Variants in FNDC3A observed in about 807,000 individuals in gnomAD.
FNDC3A encodes the protein fibronectin type-III domain-containing protein 3A.
Under a neutral mutation model 148.9 loss-of-function variants are expected in FNDC3A, and 32 were observed. The observed-to-expected ratio is 0.21, with a 90% CI of 0.16 to 0.29. FNDC3A has a LOEUF of 0.29. Among genes scored for constraint, FNDC3A ranks in the 10% least tolerant of loss-of-function variants. The pLI is 1.00. For synonymous variants in FNDC3A, 472 were observed against 473.6 expected (o/e 1.00, Z 0.04); for missense variants, 1,191 against 1,452.8 (o/e 0.82, Z 2.93).
intron 2 of FNDC3A, among the ~76,000 whole-genome samples, chr13:49,015,719 G>A (rs1256733999): frequency 1.3e-5 from 2 of 151,944 alleles, no homozygotes; most frequent in Non-Finnish European, 2.9e-5. Flanking sequence ...TGCCCATTCA[G>A]TATGATATTG....
chr13:49,113,935 A>T (rs1447657422), intron 3 of FNDC3A, among the ~76,000 whole-genome samples: 1 of 152,228 alleles, frequency 6.6e-6, no homozygotes. Context: ...ATAAAAGTTA[A>T]TTGGAAAACC....
rs527237406 is a variant in FNDC3A at position 49,037,197 on chromosome 13, A to G, written c.99+30908A>G. Among the ~76,000 whole-genome samples the G allele has an allele frequency of 1.5e-4, 23 of 152,358 alleles. No homozygotes were observed. The East Asian group carries it at 3.9e-3, about 26-fold the overall frequency. On this transcript the variant is annotated intron_variant, in intron 2 of 25. Transcript: ENST00000492622. The stretch of plus-strand genomic sequence containing the variant: ...TACTACTAAGAGCTACTCATACAGC[A>G]CTTACAGTAACAGCGAATATGTGCA...
chr13:49,016,297 T>C (rs1037716504), intron 2 of FNDC3A, among the ~76,000 whole-genome samples: 1 of 152,258 alleles, frequency 6.6e-6, no homozygotes, highest in African/African-American at 2.4e-5. Context: ...TATTGGTCTA[T>C]TCAGAGATTC....
chr13:49,181,046 A>T (rs1159453222), intron 14 of FNDC3A, among the ~76,000 whole-genome samples: 1 of 152,142 alleles, frequency 6.6e-6, no homozygotes, highest in Non-Finnish European at 1.5e-5. Context: ...GTGTCACTGC[A>T]CTCCAGCCTA....
chr13:49,179,332 T>C (rs1340598228), intron 14 of FNDC3A, among the ~76,000 whole-genome samples: 1 of 152,234 alleles, frequency 6.6e-6, no homozygotes, highest in African/African-American at 2.4e-5. Flanking sequence ...ATTTGTCTTA[T>C]TACTGGTAGT....
chr13:49,147,438 G>A (rs1883055668), intron 8 of FNDC3A, among the ~76,000 whole-genome samples: 1 of 151,934 alleles, frequency 6.6e-6, no homozygotes, highest in African/African-American at 2.4e-5. Flanking sequence ...AGAGTAGCTG[G>A]GAGGTAAGGG....
chr13:49,022,692 A>T (rs555888463), intron 2 of FNDC3A, among the ~76,000 whole-genome samples: 4 of 152,152 alleles, frequency 2.6e-5, no homozygotes, highest in Admixed American at 2.6e-4. Flanking sequence ...TCTAACTGCT[A>T]TGCAGCTTTG....
At chr13:49,064,031 G>A (rs1484030296) in intron 2 of FNDC3A, among the ~76,000 whole-genome samples, 3 of 152,120 alleles carry the variant, frequency 2.0e-5, no homozygotes, top group African/African-American at 7.2e-5. Flanking sequence ...TTGAAAAACA[G>A]GTAAAGGACA....
At chr13:49,027,615 A>G (rs1873813874) in intron 2 of FNDC3A, among the ~76,000 whole-genome samples, 2 of 152,164 alleles carry the variant, frequency 1.3e-5, no homozygotes. Flanking sequence ...TTTTACATAC[A>G]ATTGGAATTA....
chr13:49,138,259 G>A (rs942316399), intron 6 of FNDC3A, among the ~76,000 whole-genome samples: 1 of 152,100 alleles, frequency 6.6e-6, no homozygotes, highest in African/African-American at 2.4e-5. Flanking sequence ...TTTCAGCACT[G>A]ATGTTTCAGA....
intron 4 of FNDC3A, among the ~76,000 whole-genome samples, chr13:49,114,942 G>A (rs1421221048): frequency 6.6e-6 from 1 of 151,864 alleles, no homozygotes; most frequent in Non-Finnish European, 1.5e-5. Flanking sequence ...CTTGTCTTTG[G>A]GTGTTAAGTC....
chr13:49,101,611 A>G (rs1879857416), intron 3 of FNDC3A, among the ~76,000 whole-genome samples: 1 of 152,074 alleles, frequency 6.6e-6, no homozygotes, highest in African/African-American at 2.4e-5. Flanking sequence ...AAAAATCAAA[A>G]TCAACTCTTC....
chr13:49,115,444 C>T (rs531377652), intron 4 of FNDC3A, among the ~76,000 whole-genome samples: 4 of 152,260 alleles, frequency 2.6e-5, no homozygotes, highest in Admixed American at 6.5e-5. Flanking sequence ...TTTCTTCAGG[C>T]CCTCTGTTAC....
intron 11 of FNDC3A, 34 bp downstream of exon 11, chr13:49,172,130 T>A: frequency 1.5e-6 from 2 of 1,344,212 alleles, no homozygotes; most frequent in South Asian, 2.5e-5. Context: ...ATGGTTAACA[T>A]TATGTGCATA....
intron 2 of FNDC3A, among the ~76,000 whole-genome samples, chr13:49,058,349 G>C (rs1876409826): frequency 6.6e-6 from 1 of 152,136 alleles, no homozygotes. Flanking sequence ...TAACCGATTA[G>C]GTCAGGGGTC....
At chr13:49,076,753 A>C (rs1174048902) in intron 3 of FNDC3A, among the ~76,000 whole-genome samples, 1 of 151,950 alleles carries the variant, frequency 6.6e-6, no homozygotes, top group African/African-American at 2.4e-5. Flanking sequence ...CATCATACCA[A>C]TTATTGCACC....
intron 9 of FNDC3A, among the ~76,000 whole-genome samples, chr13:49,167,951 A>G (rs1165757894): frequency 2.0e-5 from 3 of 152,136 alleles, no homozygotes; most frequent in Non-Finnish European, 4.4e-5. Context: ...ATCTTTTACT[A>G]CATCCTGTTT....
chr13:49,198,338 C>G (rs1417402394), intron 22 of FNDC3A, 24 bp from the exon 23 acceptor site: 1 of 1,612,640 alleles, frequency 6.2e-7, no homozygotes, highest in Non-Finnish European at 8.5e-7. Flanking sequence ...CATAACCAAA[C>G]TTTTTTTCTT....
intron 4 of FNDC3A, among the ~76,000 whole-genome samples, chr13:49,128,676 GTGC>G (rs1199473899): frequency 1.3e-5 from 2 of 152,066 alleles, no homozygotes; most frequent in African/African-American, 4.8e-5. Context: ...CTGTGTCGTG[GTGC>G]CTGACCTGAC....
Sources: gnomAD v4.1 joint callset for allele counts (sites outside exome capture counted in the v4.1 genomes callset) on GRCh38, gnomAD v4.1.1 for gene constraint, MANE v1.5 for transcripts, NCBI Gene and HGNC (gene_info 2026-07-23, HGNC 2026-07-21) for gene names.